The following NCALD variants were observed in gnomAD, a reference collection of about 807,000 sequenced individuals.
NCALD encodes the protein neurocalcin-delta.
Under a neutral mutation model 18.6 loss-of-function variants are expected in NCALD, and 10 were observed. The observed-to-expected ratio is 0.54, with a 90% confidence interval of 0.33 to 0.91. NCALD has a LOEUF of 0.91. Among genes scored for constraint, NCALD ranks in the 40% least tolerant of loss-of-function variants. The probability of loss-of-function intolerance (pLI) is 0.03; values close to 1 mark genes in which losing one functional copy is unlikely to be tolerated. For missense variants in NCALD, 184 were observed against 247.6 expected, an observed-to-expected ratio of 0.74 and a Z score of 1.72; for synonymous variants, 88 against 87.4, an observed-to-expected ratio of 1.01 and a Z score of -0.04.
chr8:102,018,510 T>C (rs779807258), intron 2 of NCALD, among the ~76,000 whole-genome samples: 1 of 152,086 alleles, frequency 6.6e-6, no homozygotes, highest in African/African-American at 2.4e-5. Flanking sequence ...ACGTAGTATG[T>C]GAGGCCATTT....
chr8:102,027,252 T>C (rs1240318281), intron 1 of NCALD, among the ~76,000 whole-genome samples: 1 of 152,262 alleles, frequency 6.6e-6, no homozygotes, highest in Admixed American at 6.5e-5. Context: ...TTCTTTTCTA[T>C]TGCAGCATCA....
chr8:101,808,453 G>A (rs80000954), intron 4 of NCALD, among the ~76,000 whole-genome samples: 2,740 of 152,258 alleles, frequency 0.018, 62 homozygotes, highest in African/African-American at 0.06. Flanking sequence ...TGTGGCAGCA[G>A]TTGCTAATTG....
intron 2 of NCALD, among the ~76,000 whole-genome samples, chr8:101,958,873 A>C (rs1819734275): frequency 6.6e-6 from 1 of 152,196 alleles, no homozygotes; most frequent in Non-Finnish European, 1.5e-5. Flanking sequence ...ATTTGGAAAC[A>C]ATTCCAAATA....
At chr8:101,728,933 T>C (rs568406132) in intron 1 of NCALD, among the ~76,000 whole-genome samples, 2 of 152,374 alleles carry the variant, frequency 1.3e-5, no homozygotes, top group African/African-American at 4.8e-5. Context: ...CAATGGAATG[T>C]CTAGATTGTG....
chr8:101,762,742 T>A (rs993079366), intron 1 of NCALD, among the ~76,000 whole-genome samples: 7 of 151,942 alleles, frequency 4.6e-5, no homozygotes, highest in Non-Finnish European at 1.5e-5. Context: ...CCTGGCTAAT[T>A]TTTGTATTTT....
chr8:101,690,513 A>G, intron 3 of NCALD: 1 of 985,358 alleles, frequency 1.0e-6, no homozygotes, highest in Non-Finnish European at 1.2e-6. Flanking sequence ...TCCAGTATCT[A>G]TCTTTTGACC....
chr8:101,944,272 C>T (rs1586799959), intron 2 of NCALD, among the ~76,000 whole-genome samples: 1 of 152,192 alleles, frequency 6.6e-6, no homozygotes. Flanking sequence ...GGTGCCCCAC[C>T]TAAAGGTAGT....
At chr8:101,738,269 C>A (rs1342919079) in intron 1 of NCALD, among the ~76,000 whole-genome samples, 1 of 152,150 alleles carries the variant, frequency 6.6e-6, no homozygotes, top group Non-Finnish European at 1.5e-5. Flanking sequence ...CCCAGCCGGG[C>A]GCAGTGGCTC....
rs149413570 is a variant in NCALD at position 101,738,637 on chromosome 8, G to A, written c.-19-18989C>T. On this transcript the variant is annotated intron_variant, in intron 1 of 3. Coordinates refer to ENST00000220931, the MANE Select transcript of NCALD (RefSeq NM_032041.3). ...CGGAACGCCAAAAAACGCTATCTGC[G>A]GTTGGCTTGCTTACACAGGAGACAT... Among the ~76,000 whole-genome samples, 283 of 152,142 alleles carry A rather than the reference G, an allele frequency of 1.9e-3. 1 individual carries two copies. The highest frequency in any genetic ancestry group is 6.3e-3 in the African/African-American group (260 of 41,492).
At position 102,108,571 on chromosome 8, in the gene NCALD, A is replaced by G. The variant is rs889857883; in HGVS notation, c.-210+15666T>C. ...CAACCAAGGCAGCCGAGTAGATGCA[A>G]CACAAAATATTGATATCCTTTTGTA... is the stretch of plus-strand genomic sequence containing the variant. On this transcript the variant is annotated intron_variant, in intron 1 of 6. Transcript: ENST00000311028. Among the ~76,000 whole-genome samples, 8 of 152,360 alleles carry G rather than the reference A, an allele frequency of 5.3e-5. No homozygotes were observed. In the Middle Eastern group the frequency reaches 0.01, roughly 194 times the overall value.
intron 1 of NCALD, among the ~76,000 whole-genome samples, chr8:101,783,156 C>T (rs1812084772): frequency 6.6e-6 from 1 of 152,130 alleles, no homozygotes; most frequent in Non-Finnish European, 1.5e-5. Flanking sequence ...CTCTAGGGCT[C>T]ACTGTACAGA....
At chr8:101,917,251 A>G (rs1818002776) in intron 2 of NCALD, among the ~76,000 whole-genome samples, 1 of 152,158 alleles carries the variant, frequency 6.6e-6, no homozygotes, top group Admixed American at 6.5e-5. Flanking sequence ...GGCTTTCAGT[A>G]AACAATAAAA....
chr8:101,858,400 GA>G (rs1188295307), intron 4 of NCALD, among the ~76,000 whole-genome samples: 2 of 152,152 alleles, frequency 1.3e-5, no homozygotes, highest in Admixed American at 6.6e-5. Flanking sequence ...CTGAAAACAA[GA>G]AGGGTGATAA....
intron 4 of NCALD, among the ~76,000 whole-genome samples, chr8:101,811,847 C>T (rs1813316374): frequency 6.6e-6 from 1 of 152,196 alleles, no homozygotes; most frequent in South Asian, 2.1e-4. Context: ...TCTAGAATTT[C>T]TATTTACAAA....
intron 1 of NCALD, among the ~76,000 whole-genome samples, chr8:102,068,304 C>T (rs750577066): frequency 2.6e-4 from 40 of 152,214 alleles, no homozygotes; most frequent in Non-Finnish European, 5.3e-4. Flanking sequence ...CCACGGCCTA[C>T]TCTGGGTGTC....
chr8:102,119,309 T>C (rs1421535773), intron 1 of NCALD, among the ~76,000 whole-genome samples: 1 of 152,158 alleles, frequency 6.6e-6, no homozygotes, highest in Non-Finnish European at 1.5e-5. Context: ...ATAAGTGAAA[T>C]AGGCCAGTCA....
chr8:101,738,737 G>A (rs187307575), intron 1 of NCALD, among the ~76,000 whole-genome samples: 10 of 152,282 alleles, frequency 6.6e-5, no homozygotes, highest in African/African-American at 1.7e-4. Context: ...TCAAGACCTC[G>A]TGGCTGTGTG....
At chr8:101,954,332 G>A (rs1321324418) in intron 2 of NCALD, among the ~76,000 whole-genome samples, 1 of 152,124 alleles carries the variant, frequency 6.6e-6, no homozygotes, top group Non-Finnish European at 1.5e-5. Context: ...TTGCCCAGAT[G>A]GGTCATGCCA....
rs560330872 is a variant in NCALD at position 102,054,715 on chromosome 8, T to C, written c.-209-34426A>G. Among the ~76,000 whole-genome samples the C allele has an allele frequency of 1.5e-4, 16 of 109,220 alleles. No homozygotes were observed. The East Asian group carries it at 3.6e-3, about 24-fold the overall frequency. The allele number at this position is 109,220 out of a possible 152,430, so 71.7% of individuals were successfully genotyped here. ...ATAGATAGATAGATAGATAGATAGA[T>C]AGATATCCTATAGATAGATAGATAG... On this transcript the variant is annotated intron_variant, in intron 1 of 6. Transcript: ENST00000311028.
Sources: gnomAD v4.1 joint callset for allele counts (sites outside exome capture counted in the v4.1 genomes callset) on GRCh38, gnomAD v4.1.1 for gene constraint, MANE v1.5 for transcripts, NCBI Gene and HGNC (gene_info 2026-07-23, HGNC 2026-07-21) for gene names.